The following ZFHX3 variants were observed in gnomAD, a reference collection of about 807,000 sequenced individuals.
ZFHX3 encodes zinc finger homeobox protein 3.
A neutral mutation model predicts 279.1 loss-of-function variants in ZFHX3; 42 were observed. The observed-to-expected ratio is 0.15, with a 90% CI of 0.12 to 0.19. ZFHX3 has a LOEUF of 0.19. Among genes scored for constraint, ZFHX3 ranks in the 10% least tolerant of loss-of-function variants. ZFHX3 has a pLI of 1.00. For synonymous variants in ZFHX3, 2,293 were observed against 1,957.8 expected, an observed-to-expected ratio of 1.17 and a Z score of -4.52; for missense variants, 4,981 against 4,754.0, an observed-to-expected ratio of 1.05 and a Z score of -1.40.
At chr16:72,988,234 T>G (rs145405824) in intron 1 of ZFHX3, among the ~76,000 whole-genome samples, 1 of 152,308 alleles carries the variant, frequency 6.6e-6, no homozygotes, top group East Asian at 1.9e-4. Flanking sequence ...GGAACAAATT[T>G]AGAAGCTTTC....
chr16:73,595,610 A>G (rs2052040733), intron 2 of ZFHX3, among the ~76,000 whole-genome samples: 1 of 152,136 alleles, frequency 6.6e-6, no homozygotes. Flanking sequence ...ATCTCATGGT[A>G]TCAATTACCA....
intron 4 of ZFHX3, among the ~76,000 whole-genome samples, chr16:72,835,281 C>T (rs16971318): frequency 0.034 from 5,109 of 152,190 alleles, 605 homozygotes; most frequent in East Asian, 0.28. Context: ...TTGGAAAATG[C>T]GGCGGTGCAG....
chr16:73,625,533 G>A (rs1567536150), intron 2 of ZFHX3, among the ~76,000 whole-genome samples: 1 of 152,234 alleles, frequency 6.6e-6, no homozygotes, highest in Non-Finnish European at 1.5e-5. Context: ...TGCACCTAGA[G>A]TGTAATACTC....
chr16:73,097,995 T>C (rs1044481232), intron 7 of ZFHX3, among the ~76,000 whole-genome samples: 5 of 152,140 alleles, frequency 3.3e-5, no homozygotes, highest in African/African-American at 1.2e-4. Context: ...GACGCTTGGG[T>C]TGTTAGTCTC....
intron 5 of ZFHX3, among the ~76,000 whole-genome samples, chr16:72,815,361 T>C (rs1326926756): frequency 4.6e-5 from 7 of 151,624 alleles, no homozygotes; most frequent in Admixed American, 3.9e-4. Flanking sequence ...TGAGCCATGA[T>C]TGTGCCACTG....
intron 1 of ZFHX3, among the ~76,000 whole-genome samples, chr16:73,860,964 T>C (rs985320060): frequency 4.0e-5 from 6 of 151,280 alleles, no homozygotes; most frequent in Non-Finnish European, 8.8e-5. Flanking sequence ...GAAATAACAC[T>C]GCTTGTATAT....
chr16:73,449,482 C>T (rs924262081), intron 3 of ZFHX3, among the ~76,000 whole-genome samples: 9 of 151,986 alleles, frequency 5.9e-5, no homozygotes, highest in Non-Finnish European at 1.0e-4. Context: ...GGCAACATAG[C>T]AAGACCCCAT....
chr16:73,275,910 C>A (rs1322573664), intron 4 of ZFHX3, among the ~76,000 whole-genome samples: 1 of 152,090 alleles, frequency 6.6e-6, no homozygotes, highest in Non-Finnish European at 1.5e-5. Flanking sequence ...TACAGTGAGA[C>A]TTTTGAGCTT....
intron 1 of ZFHX3, among the ~76,000 whole-genome samples, chr16:72,962,987 C>G (rs983394032): frequency 6.6e-6 from 1 of 152,168 alleles, no homozygotes; most frequent in Non-Finnish European, 1.5e-5. Context: ...GGCTCTCTCT[C>G]GCTCTGTTTA....
At chr16:73,227,746 G>T (rs1196195447) in intron 5 of ZFHX3, among the ~76,000 whole-genome samples, 1 of 150,996 alleles carries the variant, frequency 6.6e-6, no homozygotes, top group Non-Finnish European at 1.5e-5. Flanking sequence ...CTACTCAGGA[G>T]GCTGAGGCAT....
At chr16:73,861,985 G>C (rs1162206893) in intron 1 of ZFHX3, among the ~76,000 whole-genome samples, 2 of 152,136 alleles carry the variant, frequency 1.3e-5, no homozygotes, top group Non-Finnish European at 2.9e-5. Context: ...TCCACATTTT[G>C]AAAGTTATCT....
At chr16:73,633,233 GA>G (rs2052494258) in intron 2 of ZFHX3, among the ~76,000 whole-genome samples, 1 of 152,204 alleles carries the variant, frequency 6.6e-6, no homozygotes, top group African/African-American at 2.4e-5. Flanking sequence ...GATCGAAATT[GA>G]GAAGGAGAAA....
chr16:73,023,099 T>C (rs149410001), intron 1 of ZFHX3, among the ~76,000 whole-genome samples: 2,239 of 152,298 alleles, frequency 0.015, 24 homozygotes, highest in South Asian at 0.024. Context: ...TGGTGGCCCA[T>C]GCCTATGATT....
At chr16:73,113,125 G>A (rs190566302) in intron 7 of ZFHX3, among the ~76,000 whole-genome samples, 38 of 152,148 alleles carry the variant, frequency 2.5e-4, no homozygotes, top group African/African-American at 8.7e-4. Flanking sequence ...AGGAGGAAGA[G>A]AGAAGAGGAG....
At chr16:73,045,069 T>C (rs765326913) in intron 1 of ZFHX3, among the ~76,000 whole-genome samples, 1 of 152,242 alleles carries the variant, frequency 6.6e-6, no homozygotes, top group Non-Finnish European at 1.5e-5. Context: ...AAATAATTTC[T>C]TAAGTAAGGG....
At chr16:73,522,441 T>C (rs920360305) in intron 2 of ZFHX3, among the ~76,000 whole-genome samples, 1 of 152,126 alleles carries the variant, frequency 6.6e-6, no homozygotes, top group Non-Finnish European at 1.5e-5. Flanking sequence ...TTCCTAGGCA[T>C]TTTGTGTATC....
chr16:73,375,919 A>G (rs2016715410), intron 3 of ZFHX3, among the ~76,000 whole-genome samples: 1 of 152,248 alleles, frequency 6.6e-6, no homozygotes, highest in South Asian at 2.1e-4. Flanking sequence ...TCCACTGGAT[A>G]CACCGTTGGG....
At chr16:73,612,349 C>T (rs1232241194) in intron 2 of ZFHX3, among the ~76,000 whole-genome samples, 2 of 151,962 alleles carry the variant, frequency 1.3e-5, no homozygotes, top group Admixed American at 1.3e-4. Context: ...ATTTATAAAC[C>T]CTTGAAAAAA....
intron 2 of ZFHX3, among the ~76,000 whole-genome samples, chr16:73,665,236 C>G (rs2052824657): frequency 7.3e-6 from 1 of 136,662 alleles, no homozygotes; most frequent in Non-Finnish European, 1.5e-5. Flanking sequence ...TTTGGTGAGA[C>G]AGAGTCTCGC....
Sources: allele counts gnomAD v4.1 joint callset (sites outside exome capture counted in the v4.1 genomes callset), GRCh38; gene constraint gnomAD v4.1.1; transcripts MANE v1.5; gene names NCBI Gene and HGNC (gene_info 2026-07-23, HGNC 2026-07-21).